The following ZFYVE28 variants were observed in gnomAD, a reference collection of about 807,000 sequenced individuals.
ZFYVE28 encodes lateral signaling target protein 2 homolog.
ZFYVE28 carries 40 observed loss-of-function variants against 82.1 expected under a neutral mutation model. That is an observed-to-expected ratio of 0.49 (90% CI 0.38 to 0.63). ZFYVE28 has a LOEUF of 0.63. Among genes scored for constraint, ZFYVE28 ranks in the 30% least tolerant of loss-of-function variants. The pLI is 0.00. For synonymous variants in ZFYVE28, 612 were observed against 546.1 expected, an observed-to-expected ratio of 1.12 and a Z score of -1.68; for missense variants, 1,321 against 1,242.1, an observed-to-expected ratio of 1.06 and a Z score of -0.96.
chr4:2,274,982 C>T (rs1376122057), intron 8 of ZFYVE28, among the ~76,000 whole-genome samples: 2 of 146,362 alleles, frequency 1.4e-5, no homozygotes, highest in East Asian at 1.9e-4. Context: ...GGCCAGTTTG[C>T]GGGGACAGCA....
intron 1 of ZFYVE28, among the ~76,000 whole-genome samples, chr4:2,370,080 T>C (rs1578284869): frequency 6.6e-6 from 1 of 151,808 alleles, no homozygotes. Flanking sequence ...GATCTCCTGA[T>C]CTCGTGATCC....
intron 1 of ZFYVE28, among the ~76,000 whole-genome samples, chr4:2,370,315 G>C (rs574046114): frequency 3.3e-5 from 5 of 152,248 alleles, no homozygotes; most frequent in Admixed American, 1.3e-4. Context: ...CCCCATGTCA[G>C]TGCGTTTATC....
At chr4:2,370,412 G>C (rs963558368) in intron 1 of ZFYVE28, among the ~76,000 whole-genome samples, 4 of 152,156 alleles carry the variant, frequency 2.6e-5, no homozygotes, top group South Asian at 2.1e-4. Context: ...CCAGCCCATG[G>C]ATGGGGTGCC....
chr4:2,270,656 C>T lies in ZFYVE28; in HGVS notation c.*69G>A. The T allele has an allele frequency of 4.4e-6, 7 of 1,601,150 alleles. No homozygotes were observed. The highest frequency in any genetic ancestry group is 6.0e-6 in the Non-Finnish European group (7 of 1,173,896). ...GCCTCATGAGACGCAGTGAGACCTG[C>T]CTGCAGCGTGGCCCCACCTTCCTGG... On this transcript the variant is annotated 3_prime_UTR_variant, in exon 13 of 13. Coordinates refer to ENST00000290974, the MANE Select transcript of ZFYVE28 (RefSeq NM_020972.3).
Position 2,417,964 on chromosome 4 carries a change from G to A in ZFYVE28, c.39+321C>T, listed in dbSNP as rs1733286390. 1.3e-5 allele frequency among the ~76,000 whole-genome samples: 2 copies of A among 151,912 alleles called. No homozygotes were observed. Among genetic ancestry groups the A allele is most frequent in the African/African-American group, 4.8e-5 (2 of 41,358 alleles). ...ACGAAGTGTAGGAGGGCACCGTCCA[G>A]GACCGGGATGAGGAGGGAGAGGGGC... On this transcript the variant is annotated intron_variant, in intron 1 of 12. Transcript: ENST00000290974. This position sits in a 1 kb window ranked among gnomAD's most constrained non-coding sequence, Gnocchi z 4.8.
chr4:2,353,049 A>C (rs61789446), intron 2 of ZFYVE28, among the ~76,000 whole-genome samples: 1 of 152,232 alleles, frequency 6.6e-6, no homozygotes. Flanking sequence ...TGGAGGGGCC[A>C]GAACATCTGT....
At chr4:2,319,338 C>G (rs1368532585) in intron 7 of ZFYVE28, among the ~76,000 whole-genome samples, 1 of 152,198 alleles carries the variant, frequency 6.6e-6, no homozygotes, top group Non-Finnish European at 1.5e-5. Flanking sequence ...TGCCCCTGAA[C>G]CCACTGACGC....
chr4:2,360,040 C>T (rs573934505), intron 1 of ZFYVE28, among the ~76,000 whole-genome samples: 1 of 152,110 alleles, frequency 6.6e-6, no homozygotes, highest in African/African-American at 2.4e-5. Flanking sequence ...CAACAACCTG[C>T]GAGGCCATTT....
At chr4:2,380,819 G>A (rs983425959) in intron 1 of ZFYVE28, among the ~76,000 whole-genome samples, 3 of 152,182 alleles carry the variant, frequency 2.0e-5, no homozygotes, top group African/African-American at 7.2e-5. Context: ...CTCCTGCTGT[G>A]ATTCGGAGGC....
chr4:2,351,693 G>C (rs920964597), intron 2 of ZFYVE28, among the ~76,000 whole-genome samples: 1 of 152,110 alleles, frequency 6.6e-6, no homozygotes, highest in Non-Finnish European at 1.5e-5. Context: ...CAGCCTGGGC[G>C]AGAGAGTGAG....
At chr4:2,360,024 C>T (rs1725892007) in intron 1 of ZFYVE28, among the ~76,000 whole-genome samples, 1 of 152,144 alleles carries the variant, frequency 6.6e-6, no homozygotes, top group Non-Finnish European at 1.5e-5. Context: ...AAGCGCACGG[C>T]GTCTACAACA....
chr4:2,286,807 C>T (rs968919740), intron 8 of ZFYVE28: 7 of 152,204 alleles, frequency 4.6e-5, no homozygotes, highest in Non-Finnish European at 8.8e-5. Context: ...GGGCTGGAGG[C>T]ACAGGATTCA....
chr4:2,363,482 G>A (rs897379721), intron 1 of ZFYVE28, among the ~76,000 whole-genome samples: 1 of 113,358 alleles, frequency 8.8e-6, no homozygotes, highest in Non-Finnish European at 1.9e-5. Flanking sequence ...GGGTCACGTG[G>A]TCCCTGAGGG....
intron 2 of ZFYVE28, among the ~76,000 whole-genome samples, chr4:2,350,374 G>C (rs1380290900): frequency 6.6e-6 from 1 of 151,980 alleles, no homozygotes. Flanking sequence ...TGAGGCAGGA[G>C]AATGGTGTGA....
chr4:2,315,478 C>A (rs1194032719), intron 7 of ZFYVE28, among the ~76,000 whole-genome samples: 1 of 151,744 alleles, frequency 6.6e-6, no homozygotes, highest in Non-Finnish European at 1.5e-5. Flanking sequence ...TTCACCATGT[C>A]GGCCAGGCTG....
chr4:2,321,694 G>A (rs936638515), intron 6 of ZFYVE28, among the ~76,000 whole-genome samples: 1 of 152,126 alleles, frequency 6.6e-6, no homozygotes. Flanking sequence ...AGGGAAGGGG[G>A]CAGCCCTGAC....
intron 1 of ZFYVE28, among the ~76,000 whole-genome samples, chr4:2,405,266 G>A (rs1731745254): frequency 6.6e-6 from 1 of 152,188 alleles, no homozygotes; most frequent in East Asian, 1.9e-4. Flanking sequence ...GGAAGATGGG[G>A]TGCACCGCCA....
intron 6 of ZFYVE28, among the ~76,000 whole-genome samples, chr4:2,322,668 C>T (rs1028071620): frequency 2.6e-5 from 4 of 152,214 alleles, no homozygotes; most frequent in East Asian, 3.8e-4. Context: ...TCTGCATTCA[C>T]GGTGCTGTGC....
intron 6 of ZFYVE28, among the ~76,000 whole-genome samples, chr4:2,321,899 G>T (rs1719134319): frequency 6.6e-6 from 1 of 152,142 alleles, no homozygotes; most frequent in Non-Finnish European, 1.5e-5. Context: ...GCAGGAGTGG[G>T]GGGACAAGGC....
Sources: allele counts gnomAD v4.1 joint callset (sites outside exome capture counted in the v4.1 genomes callset), GRCh38; gene constraint gnomAD v4.1.1; non-coding constraint Gnocchi (gnomAD v3.1); transcripts MANE v1.5; gene names NCBI Gene and HGNC (gene_info 2026-07-23, HGNC 2026-07-21).